MGST1: variants seen among roughly 807,000 people sequenced by gnomAD.
MGST1 encodes microsomal glutathione S-transferase 1, also known as glutathione S-transferase 12.
A neutral mutation model predicts 8.9 loss-of-function variants in MGST1; 5 were observed. The ratio of observed to expected loss-of-function variants is 0.56; its 90% CI spans 0.29 to 1.19. MGST1 has a LOEUF of 1.19. Among genes scored for constraint, MGST1 ranks in the 50% most tolerant of loss-of-function variants. MGST1 has a pLI of 0.08. For synonymous variants in MGST1, 54 were observed against 67.8 expected (o/e 0.80, Z 1.00); for missense variants, 182 against 187.4 (o/e 0.97, Z 0.17).
chr12:16,369,266 C>T (rs1011065863), downstream of MGST1, among the ~76,000 whole-genome samples: 5 of 152,124 alleles, frequency 3.3e-5, no homozygotes, highest in East Asian at 7.7e-4. The surrounding 1 kb of genome is among the most constrained non-coding windows in gnomAD (Gnocchi z 4.8). Context: ...ACTTTACCTA[C>T]TGTATTAATA....
Position 16,390,766 on chromosome 12 carries a change from A to C in MGST1, n.778+7162A>C, listed in dbSNP as rs181852796. Among the ~76,000 whole-genome samples the C allele has an allele frequency of 1.0e-3, 153 of 152,256 alleles. 1 individual carries two copies. In the Middle Eastern group the frequency reaches 0.027, roughly 27 times the overall value. ...TGCTATTGTAAAGAGTGCTGCAATG[A>C]ACATTCACATGTATGTCTTTATAGT... On this transcript the variant is annotated intron_variant and non_coding_transcript_variant, in intron 1 of 1. Transcript: ENST00000359720.
In MGST1 at chr12:16,582,766, G is replaced by A. The variant is rs887980339; in HGVS notation, n.483-6762G>A. Reference sequence around the variant, plus strand: ...GACGCCCAGAAAAGAATCAGAACTAGGCCGGGCACGGTGGCCCATGCCTGT... The same window carrying A: ...GACGCCCAGAAAAGAATCAGAACTAAGCCGGGCACGGTGGCCCATGCCTGT... On this transcript the variant is annotated intron_variant and non_coding_transcript_variant, in intron 4 of 4. Coordinates refer to the MGST1 transcript ENST00000538857. This position sits in a 1 kb window ranked among gnomAD's most constrained non-coding sequence, Gnocchi z 4.1. 2.6e-5 allele frequency among the ~76,000 whole-genome samples: 4 copies of A among 152,176 alleles called. No homozygotes were observed. Among genetic ancestry groups the A allele is most frequent in the Non-Finnish European group, 5.9e-5 (4 of 68,036 alleles).
rs1386804388 is a variant in MGST1, at chr12:16,503,593, G to A, written n.483-85935G>A. On this transcript the variant is annotated intron_variant and non_coding_transcript_variant, in intron 4 of 4. Transcript: ENST00000538857. The surrounding 1 kb of genome is among the most constrained non-coding windows in gnomAD (Gnocchi z 4.8). The stretch of plus-strand genomic sequence containing the variant: ...CATAATTGTACATCCTCTTTAGACA[G>A]GAGGCAGGACTTAATTCTGGAGGTA... Among the ~76,000 whole-genome samples, 1 of 152,088 alleles carries A rather than the reference G, an allele frequency of 6.6e-6. No individual in the cohort carries two copies. Among genetic ancestry groups the A allele is most frequent in the East Asian group, 1.9e-4 (1 of 5,168 alleles).
chr12:16,567,879 C>T (rs1178219530), intron 4 of MGST1, among the ~76,000 whole-genome samples: 1 of 152,154 alleles, frequency 6.6e-6, no homozygotes, highest in Non-Finnish European at 1.5e-5. Flanking sequence ...ACTCAGAGGG[C>T]TCACTCCTAA....
rs1388165589 is a variant in MGST1, at chr12:16,464,889, A to G, written n.482+81285A>G. On this transcript the variant is annotated intron_variant and non_coding_transcript_variant, in intron 4 of 4. Transcript: ENST00000538857. ...GCCAGGGAAACTCTGAAAAACAAAG[A>G]CCTTTTGATTCCCATCTGACTGCTT... is the stretch of plus-strand genomic sequence containing the variant. Among the ~76,000 whole-genome samples the G allele has an allele frequency of 2.6e-5, 4 of 152,238 alleles. No homozygotes were observed. The East Asian group carries it at 5.8e-4, about 22-fold the overall frequency.
intron 4 of MGST1, among the ~76,000 whole-genome samples, chr12:16,530,954 A>G (rs551164245): frequency 1.3e-5 from 2 of 152,194 alleles, no homozygotes; most frequent in African/African-American, 4.8e-5. Flanking sequence ...AAGTGAATAA[A>G]GAAATGTCTT....
At chr12:16,501,738 C>T (rs945866591) in intron 4 of MGST1, among the ~76,000 whole-genome samples, 1 of 152,124 alleles carries the variant, frequency 6.6e-6, no homozygotes, top group Non-Finnish European at 1.5e-5. Flanking sequence ...TGCCTAATAA[C>T]TATGCAGTTC....
intron 4 of MGST1, among the ~76,000 whole-genome samples, chr12:16,486,743 A>G (rs1941401052): frequency 6.6e-6 from 1 of 152,196 alleles, no homozygotes; most frequent in Non-Finnish European, 1.5e-5. Flanking sequence ...GAAGGCTCAC[A>G]GAGTAGATCA....
chr12:16,515,640 A>G (rs1487537598), intron 4 of MGST1, among the ~76,000 whole-genome samples: 1 of 151,664 alleles, frequency 6.6e-6, no homozygotes, highest in African/African-American at 2.4e-5. Context: ...CAGAAAAAAA[A>G]AAAAAAGAAA....
chr12:16,512,509 G>GTAAAAACAACT (rs1941583365), intron 4 of MGST1, among the ~76,000 whole-genome samples: 1 of 152,156 alleles, frequency 6.6e-6, no homozygotes, highest in Non-Finnish European at 1.5e-5. Flanking sequence ...ATAAAACAAT[G>GTAAAAACAACT]TAAAAACAAC....
At chr12:16,391,275 A>G (rs760662513) in intron 1 of MGST1, among the ~76,000 whole-genome samples, 2 of 151,616 alleles carry the variant, frequency 1.3e-5, no homozygotes, top group Admixed American at 6.6e-5. Flanking sequence ...AGCCCCACAT[A>G]CATTATTTAT....
intron 4 of MGST1, among the ~76,000 whole-genome samples, chr12:16,557,927 TA>T (rs1465111198): frequency 6.6e-6 from 1 of 152,060 alleles, no homozygotes; most frequent in Non-Finnish European, 1.5e-5. Flanking sequence ...CAGGGTCTCA[TA>T]AGGTCCATTT....
rs1057323846 is a variant in MGST1, at chr12:16,546,488, A to G, written n.483-43040A>G. On this transcript the variant is annotated intron_variant and non_coding_transcript_variant, in intron 4 of 4. Transcript: ENST00000538857. The surrounding 1 kb of genome is among the most constrained non-coding windows in gnomAD (Gnocchi z 4.7). ...ATGATCTGAACCAAACACAAAACCT[A>G]GTTGATCCAAGATGATTTGGTCTTT... Among the ~76,000 whole-genome samples the G allele has an allele frequency of 6.6e-6, 1 of 152,154 alleles. No individual in the cohort carries two copies. The highest frequency in any genetic ancestry group is 1.5e-5 in the Non-Finnish European group (1 of 68,000).
intron 4 of MGST1, among the ~76,000 whole-genome samples, chr12:16,512,100 A>T (rs1941580664): frequency 6.6e-6 from 1 of 152,296 alleles, no homozygotes; most frequent in South Asian, 2.1e-4. Context: ...CAACTTTGTC[A>T]GCATGCAGCT....
At chr12:16,452,651 T>G (rs34404) in intron 4 of MGST1, among the ~76,000 whole-genome samples, 151,990 of 151,992 alleles carry the variant, frequency 1, 75,994 homozygotes, top group Non-Finnish European at 1. Context: ...ACCTGGCAAG[T>G]TTGGCAGTAT....
intron 1 of MGST1, among the ~76,000 whole-genome samples, chr12:16,403,790 T>C (rs552735634): frequency 6.6e-6 from 1 of 152,138 alleles, no homozygotes; most frequent in South Asian, 2.1e-4. Flanking sequence ...GAAGGAGATA[T>C]TCTGAGCGAA....
intron 4 of MGST1, among the ~76,000 whole-genome samples, chr12:16,564,316 G>C (rs1942513603): frequency 6.6e-6 from 1 of 152,152 alleles, no homozygotes; most frequent in Non-Finnish European, 1.5e-5. Flanking sequence ...CAAGAACTAA[G>C]ACAAAACAAG....
chr12:16,368,622 C>T (rs1410950411), downstream of MGST1, among the ~76,000 whole-genome samples: 1 of 152,088 alleles, frequency 6.6e-6, no homozygotes, highest in Admixed American at 6.5e-5. Context: ...AGGCAGATTA[C>T]TGGGAAGGGC....
chr12:16,534,047 AGCCAT>A (rs1212519486), intron 4 of MGST1, among the ~76,000 whole-genome samples: 14 of 152,152 alleles, frequency 9.2e-5, no homozygotes, highest in African/African-American at 3.4e-4. Context: ...AGGTAGATGA[AGCCAT>A]GCATGTTATT....
Sources: gnomAD v4.1 joint callset for allele counts (sites outside exome capture counted in the v4.1 genomes callset) on GRCh38, gnomAD v4.1.1 for gene constraint, Gnocchi (gnomAD v3.1) non-coding constraint, MANE v1.5 for transcripts, NCBI Gene and HGNC (gene_info 2026-07-23, HGNC 2026-07-21) for gene names.